The following SHTN1 variants were observed in gnomAD, a reference collection of about 807,000 sequenced individuals.
SHTN1 encodes shootin-1.
SHTN1 carries 42 observed loss-of-function variants against 83.1 expected under a neutral mutation model. The observed-to-expected ratio is 0.51, with a 90% CI of 0.39 to 0.65. The LOEUF is 0.65. SHTN1 is among the 30% of genes least tolerant of loss of function. The pLI, the probability that SHTN1 is intolerant of heterozygous loss-of-function variation, is 0.00. For missense variants in SHTN1, 622 were observed against 737.8 expected, an observed-to-expected ratio of 0.84 and a Z score of 1.82; for synonymous variants, 224 against 247.7, an observed-to-expected ratio of 0.90 and a Z score of 0.90.
intron 1 of SHTN1, among the ~76,000 whole-genome samples, chr10:117,103,463 G>A (rs1853625358): frequency 6.6e-6 from 1 of 150,510 alleles, no homozygotes; most frequent in Non-Finnish European, 1.5e-5. Context: ...CTTTTCCTTA[G>A]CGGTTATGGG....
intron 2 of SHTN1, among the ~76,000 whole-genome samples, chr10:117,039,089 C>A (rs1424538236): frequency 6.6e-6 from 1 of 152,146 alleles, no homozygotes; most frequent in Non-Finnish European, 1.5e-5. Context: ...CTGGAGGCAC[C>A]AAGATGTCCT....
At chr10:116,987,111 G>C (rs1012742637) in intron 1 of SHTN1, among the ~76,000 whole-genome samples, 2 of 152,110 alleles carry the variant, frequency 1.3e-5, no homozygotes, top group African/African-American at 4.8e-5. Context: ...GTCCTCAAGA[G>C]AAACTATCTT....
At chr10:117,107,568 C>G (rs904605593) in intron 1 of SHTN1, among the ~76,000 whole-genome samples, 4 of 152,154 alleles carry the variant, frequency 2.6e-5, no homozygotes, top group African/African-American at 7.2e-5. Flanking sequence ...CAATTCACTC[C>G]AGACATATAT....
rs955023129 is a variant in SHTN1, at chr10:117,121,948, C to T, written c.-189+4359G>A. ...TTGGGAGGCTGAGGCAGGAGAATGG[C>T]GTGAACCCAGGGGGAGAAGCTTGCA... is the stretch of plus-strand genomic sequence containing the variant. On this transcript the variant is annotated intron_variant, in intron 1 of 17. Transcript: ENST00000392901. 2.6e-5 allele frequency among the ~76,000 whole-genome samples: 4 copies of T among 152,088 alleles called. No homozygotes were observed. The East Asian group carries it at 5.8e-4, about 22-fold the overall frequency.
Position 116,983,675 on chromosome 10 carries a change from GATAGATAGATAAATAC to G in SHTN1, c.59-4383_59-4368del, listed in dbSNP as rs1463382374. On this transcript the variant is annotated intron_variant, in intron 1 of 16. Coordinates refer to ENST00000355371, the MANE Select transcript of SHTN1 (RefSeq NM_001127211.3). Reference sequence around the variant, plus strand: ...AGATAGATAGATAGATAGATAGATAGATAGATAGATAAATACATACATACATACATACATACATACA... The same window carrying G: ...AGATAGATAGATAGATAGATAGATAGATACATACATACATACATACATACA... Among the ~76,000 whole-genome samples, 160 of 46,332 alleles carry G rather than the reference GATAGATAGATAAATAC, an allele frequency of 3.5e-3. 2 individuals carry two copies. Among genetic ancestry groups the G allele is most frequent in the African/African-American group, 6.4e-3 (146 of 22,950 alleles). 30.4% of individuals were successfully genotyped at this position (46,332 alleles called of 152,430 possible).
intron 1 of SHTN1, among the ~76,000 whole-genome samples, chr10:116,985,547 G>C (rs1295407008): frequency 6.6e-6 from 1 of 152,126 alleles, no homozygotes; most frequent in East Asian, 1.9e-4. Flanking sequence ...TAAGGAAGAA[G>C]GAAGAATGGA....
At chr10:117,008,694 A>C (rs966063194), upstream of SHTN1, among the ~76,000 whole-genome samples, 5 of 152,168 alleles carry the variant, frequency 3.3e-5, no homozygotes, top group Non-Finnish European at 7.4e-5. Context: ...GGTGGGGTGA[A>C]AGTAGGGGAG....
chr10:117,055,023 G>T (rs950455201), intron 1 of SHTN1, among the ~76,000 whole-genome samples: 1 of 152,162 alleles, frequency 6.6e-6, no homozygotes, highest in Non-Finnish European at 1.5e-5. Flanking sequence ...CCACATGGTT[G>T]GGGAGGCCTC....
intron 1 of SHTN1, among the ~76,000 whole-genome samples, chr10:117,117,029 T>A (rs1220052523): frequency 6.6e-6 from 1 of 152,050 alleles, no homozygotes; most frequent in Non-Finnish European, 1.5e-5. Context: ...CCACTTTTAT[T>A]CAACATAACA....
chr10:117,053,024 A>AAAAAAAAAAAAAAAAAGAAAAAAAAAAG (rs1554934278), intron 1 of SHTN1, among the ~76,000 whole-genome samples: 1 of 51,368 alleles, frequency 1.9e-5, no homozygotes, highest in Admixed American at 3.4e-4. Context: ...TGTCTCAAAA[A>AAAAAAAAAAAAAAAAAGAAAAAAAAAAG]AAAAAAGAAT....
chr10:116,959,356 G>A (rs1357254137), intron 4 of SHTN1, among the ~76,000 whole-genome samples: 2 of 152,134 alleles, frequency 1.3e-5, no homozygotes, highest in Non-Finnish European at 2.9e-5. Flanking sequence ...CACTGTTAAT[G>A]CATACAAATT....
At chr10:117,076,033 A>C (rs1280716226) in intron 1 of SHTN1, among the ~76,000 whole-genome samples, 3 of 152,072 alleles carry the variant, frequency 2.0e-5, no homozygotes, top group Non-Finnish European at 4.4e-5. Context: ...AAATAAAAAA[A>C]TTAGCTAGGC....
intron 16 of SHTN1, among the ~76,000 whole-genome samples, chr10:116,900,010 T>C (rs1564865425): frequency 6.6e-6 from 1 of 152,232 alleles, no homozygotes; most frequent in Non-Finnish European, 1.5e-5. Flanking sequence ...ATTAAATGAA[T>C]GAAGTGTGCC....
At chr10:117,040,779 T>C (rs1173424839) in intron 2 of SHTN1, among the ~76,000 whole-genome samples, 4 of 152,178 alleles carry the variant, frequency 2.6e-5, no homozygotes, top group Non-Finnish European at 5.9e-5. Context: ...ATCTAAGTTG[T>C]AACAATGTTT....
At chr10:117,005,515 T>C, upstream of SHTN1, 1 of 1,002,660 alleles carries the variant, frequency 1.0e-6, no homozygotes, top group Non-Finnish European at 1.2e-6. Context: ...GTGTGGGAAC[T>C]CCACTTTGGA....
chr10:116,958,566 G>A (rs528686011), intron 4 of SHTN1, among the ~76,000 whole-genome samples: 1 of 152,168 alleles, frequency 6.6e-6, no homozygotes, highest in African/African-American at 2.4e-5. Flanking sequence ...CACATGCCTG[G>A]GCCACACATC....
At chr10:117,061,769 C>T (rs1415389078) in intron 1 of SHTN1, among the ~76,000 whole-genome samples, 1 of 152,174 alleles carries the variant, frequency 6.6e-6, no homozygotes, top group East Asian at 1.9e-4. Context: ...CCACACCTCG[C>T]CAGGTTTTCT....
chr10:117,026,074 C>T (rs1379893523), intron 2 of SHTN1, among the ~76,000 whole-genome samples: 1 of 152,194 alleles, frequency 6.6e-6, no homozygotes, highest in Non-Finnish European at 1.5e-5. Context: ...ACCTTAGGTA[C>T]CAGCTCAGCC....
intron 11 of SHTN1, among the ~76,000 whole-genome samples, chr10:116,926,457 T>C (rs1448778316): frequency 6.6e-6 from 1 of 152,256 alleles, no homozygotes; most frequent in African/African-American, 2.4e-5. Flanking sequence ...ATTCTTTCAA[T>C]TGACTCTTGG....
Sources: gnomAD v4.1 joint callset for allele counts (sites outside exome capture counted in the v4.1 genomes callset) on GRCh38, gnomAD v4.1.1 for gene constraint, MANE v1.5 for transcripts, NCBI Gene and HGNC (gene_info 2026-07-23, HGNC 2026-07-21) for gene names.